The following PLXNA4 variants were observed in gnomAD, a reference collection of about 807,000 sequenced individuals.
PLXNA4 encodes plexin-A4.
PLXNA4 carries 44 observed loss-of-function variants against 191.8 expected under a neutral mutation model. The ratio of observed to expected loss-of-function variants is 0.23; its 90% CI spans 0.18 to 0.29. The LOEUF (loss-of-function observed/expected upper bound fraction) is 0.29. Among genes scored for constraint, PLXNA4 ranks in the 10% least tolerant of loss-of-function variants. The pLI is 1.00. For synonymous variants in PLXNA4, 1,082 were observed against 1,009.5 expected (o/e 1.07, Z -1.36); for missense variants, 1,800 against 2,488.8 (o/e 0.72, Z 5.89).
In PLXNA4 at chr7:132,269,640, A is replaced by AT. The variant is rs200584408; in HGVS notation, c.1503+28450dup. 7.9e-3 allele frequency among the ~76,000 whole-genome samples: 1,200 copies of AT among 151,744 alleles called. 27 individuals are homozygous for AT. Among genetic ancestry groups the AT allele is most frequent in the African/African-American group, 0.027 (1,122 of 41,350 alleles). On this transcript the variant is annotated intron_variant, in intron 4 of 31. Transcript: ENST00000321063. Reference sequence around the variant, plus strand: ...CCACTGGTGGGACTCTGACACATTAATTTTTTTTCTGCCAAAAAAAGATCT... The same window carrying AT: ...CCACTGGTGGGACTCTGACACATTAATTTTTTTTTCTGCCAAAAAAAGATCT...
intron 4 of PLXNA4, among the ~76,000 whole-genome samples, chr7:132,265,586 G>A (rs1394155848): frequency 1.3e-5 from 2 of 152,170 alleles, no homozygotes; most frequent in Non-Finnish European, 2.9e-5. Context: ...GCAAAGAATT[G>A]AGCATGCAGA....
chr7:132,529,128 C>A (rs1799524225), intron 1 of PLXNA4, among the ~76,000 whole-genome samples: 1 of 152,214 alleles, frequency 6.6e-6, no homozygotes, highest in Non-Finnish European at 1.5e-5. Context: ...GGTACACACA[C>A]CAGCAAAGCC....
At chr7:132,496,411 A>AT (rs993886167) in intron 2 of PLXNA4, among the ~76,000 whole-genome samples, 15 of 149,500 alleles carry the variant, frequency 1.0e-4, no homozygotes, top group South Asian at 2.1e-4. Context: ...AAAAAGCCTG[A>AT]TTTTTTTTTT....
chr7:132,356,278 G>A (rs577156829), intron 3 of PLXNA4, among the ~76,000 whole-genome samples: 2 of 152,296 alleles, frequency 1.3e-5, no homozygotes, highest in Middle Eastern at 3.4e-3. Flanking sequence ...AGCTGTTTGT[G>A]TAAATGGCAA....
At chr7:132,145,488 G>GA in intron 28 of PLXNA4, 200 bp from the exon 29 acceptor site, 1 of 703,480 alleles carries the variant, frequency 1.4e-6, no homozygotes, top group Middle Eastern at 4.1e-4. Flanking sequence ...CCTGCACATG[G>GA]AAAAGAGATA....
intron 3 of PLXNA4, among the ~76,000 whole-genome samples, chr7:132,376,092 C>T (rs1173653667): frequency 1.3e-5 from 2 of 152,154 alleles, no homozygotes; most frequent in Non-Finnish European, 2.9e-5. Flanking sequence ...GCATCTGCCC[C>T]ATGGTGTTGT....
intron 13 of PLXNA4, 111 bp downstream of exon 13, chr7:132,198,374 T>C (rs1797318955): frequency 7.0e-7 from 1 of 1,430,274 alleles, no homozygotes; most frequent in Non-Finnish European, 9.3e-7. Flanking sequence ...GTGGTTCTCC[T>C]TTTTCCCCCA....
Position 132,546,622 on chromosome 7 carries a change from G to T in PLXNA4, c.-87+29800C>A, listed in dbSNP as rs529020109. On this transcript the variant is annotated intron_variant, in intron 1 of 31. Coordinates refer to ENST00000321063, the MANE Select transcript of PLXNA4 (RefSeq NM_020911.2). ...TAAGCTTTTTTAATAATACACTGGA[G>T]AGCAGAGGGGAGAAGAAACAGCATT... Among the ~76,000 whole-genome samples, 79 of 152,304 alleles carry T rather than the reference G, an allele frequency of 5.2e-4. 1 individual carries two copies. The highest frequency in any genetic ancestry group is 6.8e-3 in the Middle Eastern group (2 of 294).
At chr7:132,198,661 A>G in intron 12 of PLXNA4, 25 bp from the exon 13 acceptor site, 1 of 1,612,688 alleles carries the variant, frequency 6.2e-7, no homozygotes, top group African/African-American at 1.3e-5. Context: ...AGAAATAATT[A>G]GACAAACACC....
At chr7:132,369,424 C>G (rs948412009) in intron 3 of PLXNA4, among the ~76,000 whole-genome samples, 1 of 152,104 alleles carries the variant, frequency 6.6e-6, no homozygotes, top group African/African-American at 2.4e-5. Flanking sequence ...GAGTGCTGGT[C>G]GATGGCCCCT....
At position 132,182,678 on chromosome 7, in the gene PLXNA4, T is replaced by C. The variant is rs190692554; in HGVS notation, c.3159-488A>G. On this transcript the variant is annotated intron_variant, in intron 16 of 31. Transcript: ENST00000321063. ...CCCCAGGGCAATCGTTCTATAATTT[T>C]CTATCTTGGAGGCTTCGATCAGGCT... 3.7e-4 allele frequency among the ~76,000 whole-genome samples: 57 copies of C among 152,296 alleles called. No homozygotes were observed. In the East Asian group the frequency reaches 0.011, roughly 29 times the overall value.
rs537953351 is a variant in PLXNA4, at chr7:132,228,128, T to C, written c.1728+218A>G. On this transcript the variant is annotated intron_variant, in intron 6 of 31. Transcript: ENST00000321063. ...GTGCTCCCTGTCTTTCTACTCTTTA[T>C]GAATAGAGCCTCTTCCCCAATAGTC... 2.5e-4 allele frequency among the ~76,000 whole-genome samples: 38 copies of C among 152,306 alleles called. 1 individual carries two copies. In the South Asian group the frequency reaches 7.7e-3, roughly 31 times the overall value.
chr7:132,568,739 G>A lies in PLXNA4; in HGVS notation c.-87+7683C>T, dbSNP rs557730529. ...AGGCTGACCCTACCCTCTAGGAGCC[G>A]CAACTCTCAGGCAGATGCCCTACCG... On this transcript the variant is annotated intron_variant, in intron 1 of 31. Transcript: ENST00000321063. 4.5e-3 allele frequency among the ~76,000 whole-genome samples: 680 copies of A among 152,274 alleles called. 2 individuals carry two copies. The highest frequency in any genetic ancestry group is 0.015 in the African/African-American group (636 of 41,542).
At chr7:132,395,207 G>C (rs1793707227) in intron 3 of PLXNA4, among the ~76,000 whole-genome samples, 1 of 151,926 alleles carries the variant, frequency 6.6e-6, no homozygotes, top group Non-Finnish European at 1.5e-5. Flanking sequence ...GTCACAGCCT[G>C]CCCTCCAGGC....
intron 3 of PLXNA4, among the ~76,000 whole-genome samples, chr7:132,424,658 C>G (rs1310034213): frequency 3.3e-5 from 5 of 152,172 alleles, no homozygotes; most frequent in Admixed American, 2.0e-4. Flanking sequence ...GTAATTGTCC[C>G]TGGCAGAAAC....
chr7:132,366,179 GTC>G (rs1376460295), intron 3 of PLXNA4: 3 of 152,200 alleles, frequency 2.0e-5, no homozygotes, highest in Non-Finnish European at 2.9e-5. Flanking sequence ...AAGAGGGTCT[GTC>G]TTTAGGGTAA....
chr7:132,408,947 T>C (rs1794338700), intron 3 of PLXNA4, among the ~76,000 whole-genome samples: 2 of 148,328 alleles, frequency 1.3e-5, no homozygotes, highest in South Asian at 4.2e-4. Flanking sequence ...ACATTCTGTG[T>C]CTTGAAATAT....
At chr7:132,166,269 T>C (rs1796120015) in intron 22 of PLXNA4, among the ~76,000 whole-genome samples, 1 of 150,760 alleles carries the variant, frequency 6.6e-6, no homozygotes, top group South Asian at 2.1e-4. Context: ...GGAACTTCCC[T>C]TGGGAGCCCT....
chr7:132,547,837 C>T (rs887397663), intron 1 of PLXNA4, among the ~76,000 whole-genome samples: 8 of 152,158 alleles, frequency 5.3e-5, no homozygotes, highest in East Asian at 3.8e-4. Flanking sequence ...TTCAGCTTCA[C>T]GCAGCAGCTT....
Sources: gnomAD v4.1 joint callset for allele counts (sites outside exome capture counted in the v4.1 genomes callset) on GRCh38, gnomAD v4.1.1 for gene constraint, MANE v1.5 for transcripts, NCBI Gene and HGNC (gene_info 2026-07-23, HGNC 2026-07-21) for gene names.